The following PADI1 variants were observed in gnomAD, a reference collection of about 807,000 sequenced individuals.
PADI1 encodes protein-arginine deiminase type-1.
In PADI1, 65 loss-of-function variants were observed where a neutral mutation model predicts 74.8. The observed-to-expected ratio is 0.87, with a 90% CI of 0.71 to 1.07. The LOEUF is 1.07. PADI1 is among the 50% of genes least tolerant of loss of function. PADI1 has a pLI of 0.00. For missense variants in PADI1, 943 were observed against 854.0 expected (o/e 1.10, Z -1.30); for synonymous variants, 371 against 336.2 (o/e 1.10, Z -1.13).
chr1:17,233,014 T>G (rs2072540529), intron 11 of PADI1, 44 bp downstream of exon 11: 3 of 1,516,246 alleles, frequency 2.0e-6, no homozygotes, highest in Non-Finnish European at 2.7e-6. Flanking sequence ...AGGGAATGAC[T>G]GCAGCATCCA....
chr1:17,207,515 G>A (rs138563962), intron 1 of PADI1, among the ~76,000 whole-genome samples: 238 of 152,344 alleles, frequency 1.6e-3, no homozygotes, highest in African/African-American at 5.5e-3. Context: ...GGGTGCCCTG[G>A]CAGTGCGCAC....
intron 1 of PADI1, among the ~76,000 whole-genome samples, chr1:17,206,006 T>C (rs2071673253): frequency 6.6e-6 from 1 of 152,204 alleles, no homozygotes; most frequent in Non-Finnish European, 1.5e-5. Context: ...CTGTGCTGGC[T>C]GTGTCCAGAT....
chr1:17,242,607 G>A (rs368362866), intron 15 of PADI1, among the ~76,000 whole-genome samples: 15 of 152,312 alleles, frequency 9.8e-5, no homozygotes, highest in East Asian at 9.7e-4. Flanking sequence ...CCCTAGCTTC[G>A]TTCCAGGCTC....
At chr1:17,207,010 A>G (rs1212840215) in intron 1 of PADI1, among the ~76,000 whole-genome samples, 1 of 152,114 alleles carries the variant, frequency 6.6e-6, no homozygotes, top group East Asian at 1.9e-4. Context: ...TAGGCATCCC[A>G]CATTGTATCT....
At chr1:17,238,989 T>C (rs1040324897) in intron 13 of PADI1, among the ~76,000 whole-genome samples, 1 of 152,198 alleles carries the variant, frequency 6.6e-6, no homozygotes, top group Non-Finnish European at 1.5e-5. Flanking sequence ...TCCTTATCCC[T>C]GTTCACAGAA....
chr1:17,244,789 C>T lies in PADI1; in HGVS notation c.*546C>T, dbSNP rs755814272. On this transcript the variant is annotated 3_prime_UTR_variant, in exon 16 of 16. Transcript: ENST00000375471. ...CACTTACCTCCACCCCCATCCAGCA[C>T]CCTTCAGCTGTGTGTGGACAAACAA... 34 of 300,020 alleles carry T rather than the reference C, an allele frequency of 1.1e-4. No homozygotes were observed. Among genetic ancestry groups the T allele is most frequent in the Middle Eastern group, 1.2e-3 (1 of 812 alleles). The allele number at this position is 300,020 out of a possible 1,614,324, so 18.6% of individuals were successfully genotyped here.
chr1:17,211,198 G>C (rs1324228806), intron 1 of PADI1, among the ~76,000 whole-genome samples: 1 of 78,698 alleles, frequency 1.3e-5, no homozygotes, highest in Non-Finnish European at 3.0e-5. Context: ...TGGCAGCCCT[G>C]GTTTTTTGTT....
At position 17,228,750 on chromosome 1, in the gene PADI1, G is replaced by C; in HGVS notation, c.778G>C (p.Asp260His). The C allele has an allele frequency of 6.2e-7, 1 of 1,614,174 alleles. No individual in the cohort carries two copies. Among genetic ancestry groups the C allele is most frequent in the Non-Finnish European group, 8.5e-7 (1 of 1,180,018 alleles). ...YVEGLTFPDA[D>H]FLGLVSLSVS... is the part of the protein sequence containing the mutation. ...GGAGGGGCTGACCTTCCCCGATGCC[G>C]ATTTCCTAGGGCTGGTTTCCCTCAG... is the stretch of plus-strand genomic sequence containing the variant. Residue 260 changes from aspartate to histidine, a missense_variant, in exon 7 of 16, where the codon GAT becomes CAT. Physicochemically the swap from Asp to His is moderately conservative, Grantham distance 81. Coordinates refer to ENST00000375471, the MANE Select transcript of PADI1 (RefSeq NM_013358.3).
In PADI1 at chr1:17,222,296, G is replaced by A; in HGVS notation, c.99G>A (p.Val33=). ...CATCTCTCTTCTCTGCCAGTGATGT[G>A]CCCAAGGGTGCCAACAGCTTCAGGG... ...VEAHVDIHSD[V]PKGANSFRVS... Residue 33 remains valine, a synonymous_variant, in exon 2 of 16, where the codon GTG becomes GTA. Transcript: ENST00000375471. The A allele has an allele frequency of 2.5e-6, 4 of 1,613,502 alleles. No homozygotes were observed. Among genetic ancestry groups the A allele is most frequent in the Non-Finnish European group, 3.4e-6 (4 of 1,179,482 alleles).
chr1:17,243,954 C>T, intron 15 of PADI1, 56 bp from the exon 16 acceptor site: 5 of 1,273,808 alleles, frequency 3.9e-6, no homozygotes, highest in South Asian at 1.3e-5. Context: ...GAAGGGGTGC[C>T]AGAAGCACAG....
intron 11 of PADI1, among the ~76,000 whole-genome samples, chr1:17,234,744 C>G (rs916491738): frequency 1.3e-5 from 2 of 152,196 alleles, no homozygotes; most frequent in African/African-American, 2.4e-5. Flanking sequence ...GGCTGAGGAG[C>G]TTGCCCTTGA....
chr1:17,206,121 C>T (rs2071676051), intron 1 of PADI1, among the ~76,000 whole-genome samples: 1 of 152,206 alleles, frequency 6.6e-6, no homozygotes, highest in Non-Finnish European at 1.5e-5. Flanking sequence ...TCTATGGATT[C>T]CATCCCTGCT....
In PADI1 at chr1:17,237,401, G is replaced by T. The variant is rs2072670866; in HGVS notation, c.1401G>T (p.Trp467Cys). The T allele has an allele frequency of 6.2e-7, 1 of 1,613,712 alleles. No individual in the cohort carries two copies. The highest frequency in any genetic ancestry group is 8.5e-7 in the Non-Finnish European group (1 of 1,179,770). Residue 467 changes from tryptophan (W) to cysteine (C), a missense_variant, in exon 12 of 16, where the codon TGG becomes TGT. By Grantham distance (215) the Trp-to-Cys change is radical (BLOSUM62 -2). Transcript: ENST00000375471. ...CACCCGTGGAGCTCTACTCGGACTGGCTCTCTGTGGGCCATGTGGACGAGT... is the reference window on the plus strand; with the variant it reads ...CACCCGTGGAGCTCTACTCGGACTGTCTCTCTGTGGGCCATGTGGACGAGT... The part of the protein sequence containing the change: ...VQAPVELYSD[W>C]LSVGHVDEFL...
chr1:17,226,141 G>A lies in PADI1; in HGVS notation c.635G>A (p.Arg212Lys). Residue 212 changes from arginine to lysine, a missense_variant, in exon 6 of 16, where the codon AGG becomes AAG. By Grantham distance (26) the Arg-to-Lys change is conservative (BLOSUM62 2). Transcript: ENST00000375471. Reference sequence around the variant, plus strand: ...CCCTTTTCTGATTCCAAAAGAGTGAGGGTCTTCTGTGCCAGGGGTGAGTGG... The same window carrying A: ...CCCTTTTCTGATTCCAAAAGAGTGAAGGTCTTCTGTGCCAGGGGTGAGTGG... The part of the protein sequence containing the change: ...NVPFSDSKRV[R>K]VFCARGGNSL... 2 of 1,614,188 alleles carry A rather than the reference G, an allele frequency of 1.2e-6. No individual in the cohort carries two copies.
chr1:17,224,487 C>A lies in PADI1; in HGVS notation c.408+59C>A, dbSNP rs1451925337. 4.6e-6 allele frequency: 6 copies of A among 1,314,122 alleles called. No homozygotes were observed. The Admixed American group carries it at 9.3e-5, about 20-fold the overall frequency. The allele number at this position is 1,314,122 out of a possible 1,614,324, so 81.4% of individuals were successfully genotyped here. On this transcript the variant is annotated intron_variant, in intron 4 of 15. Transcript: ENST00000375471. ...GTTGAAAGGCAAACTTGGGGTGGTC[C>A]CGGGTGGATTGTGCCCTCCCTCCAG...
intron 10 of PADI1, among the ~76,000 whole-genome samples, chr1:17,230,940 G>A (rs980765063): frequency 6.6e-6 from 1 of 152,206 alleles, no homozygotes; most frequent in Non-Finnish European, 1.5e-5. Context: ...CCCTCTTCTG[G>A]ATAAGGCGGC....
chr1:17,222,976 G>A (rs1251369330), intron 2 of PADI1, among the ~76,000 whole-genome samples: 2 of 105,524 alleles, frequency 1.9e-5, no homozygotes. Context: ...CCTAGACATG[G>A]CCCTTTCTCC....
At chr1:17,238,556 G>A (rs926171826) in intron 12 of PADI1, 60 bp from the exon 13 acceptor site, 1 of 905,088 alleles carries the variant, frequency 1.1e-6, no homozygotes, top group South Asian at 2.4e-5. Flanking sequence ...CCTGAGTCTG[G>A]GGTCTCCTGT....
At chr1:17,222,094 G>A (rs924879148) in intron 1 of PADI1, among the ~76,000 whole-genome samples, 196 bp from the exon 2 acceptor site, 1 of 152,208 alleles carries the variant, frequency 6.6e-6, no homozygotes, top group African/African-American at 2.4e-5. Context: ...TGGGCTGGGG[G>A]TGTCCAAGGG....
Sources: allele counts gnomAD v4.1 joint callset (sites outside exome capture counted in the v4.1 genomes callset), GRCh38; gene constraint gnomAD v4.1.1; transcripts MANE v1.5; gene names NCBI Gene and HGNC (gene_info 2026-07-23, HGNC 2026-07-21).